The following NUP62CL variants were observed in gnomAD, a reference collection of about 807,000 sequenced individuals.
The protein encoded by NUP62CL is nucleoporin-62 C-terminal-like protein.
Under a neutral mutation model 15.3 loss-of-function variants are expected in NUP62CL, and 13 were observed. The ratio of observed to expected loss-of-function variants is 0.85; its 90% CI spans 0.55 to 1.35. The LOEUF (loss-of-function observed/expected upper bound fraction) is 1.35. Among genes scored for constraint, NUP62CL ranks in the 40% most tolerant of loss-of-function variants. The probability of loss-of-function intolerance (pLI) is 0.00; values close to 1 mark genes in which losing one functional copy is unlikely to be tolerated. For synonymous variants in NUP62CL, 54 were observed against 49.2 expected (o/e 1.10, Z -0.41); for missense variants, 123 against 130.6 (o/e 0.94, Z 0.28).
At chrX:107,165,099 T>TCAAA (rs747591195) in intron 4 of NUP62CL, among the ~76,000 whole-genome samples, 286 of 110,514 alleles carry the variant, frequency 2.6e-3, no homozygotes, top group Non-Finnish European at 3.1e-3. Flanking sequence ...AGACTCCGTC[T>TCAAA]CAAACAAACA....
Position 107,153,488 on chromosome X carries a change from C to T in NUP62CL, c.361G>A (p.Gly121Arg). The change falls in exon 6 of 9, where the codon GGA becomes AGA. Residue 121 changes from glycine (G) to arginine (R), a missense_variant. Coordinates refer to ENST00000372466, the MANE Select transcript of NUP62CL (RefSeq NM_017681.3). ...TCCAGTTTCACTTTGTTCACTTCTC[C>T]ATGTAAAATACGAATCTATAAAGAG... Reference protein sequence around the residue: ...ENGEMIRILHGEVNKVKLDQK... With the variant: ...ENGEMIRILHREVNKVKLDQK... 8.8e-7 allele frequency: 1 copy of T among 1,135,785 alleles called. No homozygotes were observed. The allele number at this position is 1,135,785 out of a possible 1,213,427, so 93.6% of individuals were successfully genotyped here.
intron 8 of NUP62CL, among the ~76,000 whole-genome samples, chrX:107,128,862 T>C (rs1925447165): frequency 8.9e-6 from 1 of 112,158 alleles, no homozygotes; most frequent in Non-Finnish European, 1.9e-5. Context: ...CTTTGTATAT[T>C]ATGCAAAGAA....
At chrX:107,152,559 A>G (rs751030627) in intron 7 of NUP62CL, among the ~76,000 whole-genome samples, 9 of 111,529 alleles carry the variant, frequency 8.1e-5, no homozygotes, top group African/African-American at 2.9e-4. Flanking sequence ...AATACTTAAT[A>G]AATTGGCCAA....
intron 8 of NUP62CL, among the ~76,000 whole-genome samples, chrX:107,136,316 C>A (rs1925639327): frequency 8.9e-6 from 1 of 111,888 alleles, no homozygotes; most frequent in Non-Finnish European, 1.9e-5. Context: ...AAGTCAACCA[C>A]TTAGCAGGAA....
intron 3 of NUP62CL, 44 bp from the exon 4 acceptor site, chrX:107,167,828 G>C: frequency 8.8e-7 from 1 of 1,131,520 alleles, no homozygotes; most frequent in Non-Finnish European, 1.2e-6. Context: ...TGAGAAATTT[G>C]TTTCATTTAA....
chrX:107,189,359 A>G (rs1402359568), intron 2 of NUP62CL, among the ~76,000 whole-genome samples: 1 of 111,709 alleles, frequency 9.0e-6, no homozygotes, highest in South Asian at 3.7e-4. Flanking sequence ...CAGTACACAA[A>G]TGTTCATAGC....
At chrX:107,131,778 C>A in intron 8 of NUP62CL, 1 of 1,112,155 alleles carries the variant, frequency 9.0e-7, no homozygotes, top group Non-Finnish European at 1.2e-6. Flanking sequence ...TGGGCATTGA[C>A]ACTGAGAGGC....
At chrX:107,156,088 G>C (rs1179735328) in intron 4 of NUP62CL, among the ~76,000 whole-genome samples, 1 of 110,249 alleles carries the variant, frequency 9.1e-6, no homozygotes, top group Admixed American at 9.5e-5. Flanking sequence ...AAAAAACGGC[G>C]CACGACGAGA....
chrX:107,166,104 TA>T (rs1458062748), intron 4 of NUP62CL, among the ~76,000 whole-genome samples: 1 of 111,602 alleles, frequency 9.0e-6, no homozygotes, highest in African/African-American at 3.3e-5. Flanking sequence ...AGGACCCTGT[TA>T]AGAGGATGAA....
At chrX:107,165,853 CA>C (rs1047934467) in intron 4 of NUP62CL, among the ~76,000 whole-genome samples, 22 of 110,194 alleles carry the variant, frequency 2.0e-4, no homozygotes, top group African/African-American at 6.6e-4. Context: ...CATCCACAGA[CA>C]AAAAAAAATT....
chrX:107,146,342 T>C (rs1199603983), intron 8 of NUP62CL, among the ~76,000 whole-genome samples: 2 of 111,937 alleles, frequency 1.8e-5, no homozygotes, highest in Non-Finnish European at 3.8e-5. Flanking sequence ...CTTTTCCTCA[T>C]TGAAGTGTAC....
At chrX:107,137,099 A>G (rs1447540145) in intron 8 of NUP62CL, among the ~76,000 whole-genome samples, 1 of 110,466 alleles carries the variant, frequency 9.1e-6, no homozygotes, top group African/African-American at 3.4e-5. Context: ...TTATATCTCA[A>G]TGTAATCCAC....
At chrX:107,136,269 G>C (rs1040210330) in intron 8 of NUP62CL, among the ~76,000 whole-genome samples, 3 of 111,378 alleles carry the variant, frequency 2.7e-5, no homozygotes, top group African/African-American at 9.8e-5. Context: ...CATTAAAAGG[G>C]TAAAAAGGAA....
rs200677186 is a variant in NUP62CL, at chrX:107,189,832, A to G, written c.-48+3197T>C. Among the ~76,000 whole-genome samples the G allele has an allele frequency of 9.8e-5, 3 of 30,490 alleles. No homozygotes were observed. The Admixed American group carries it at 2.0e-3, about 20-fold the overall frequency. 26.5% of individuals were successfully genotyped at this position (30,490 alleles called of 115,157 possible). A position where few individuals can be genotyped will look rare whatever the true frequency, so the allele number is the denominator to read the frequency against. ...AGAGAAAGAAAGAAAGAAGGAGGGA[A>G]GGAAGGAAGGAAGGAAGGAAGGAAG... On this transcript the variant is annotated intron_variant, in intron 2 of 8. Coordinates refer to ENST00000372466, the MANE Select transcript of NUP62CL (RefSeq NM_017681.3).
chrX:107,154,140 G>T lies in NUP62CL; in HGVS notation c.301C>A (p.Gln101Lys). The change falls in exon 5 of 9, where the codon CAG (glutamine) becomes AAG (lysine). Residue 101 changes from glutamine (Q) to lysine (K), a missense_variant. Transcript: ENST00000372466. ...QEKYFLLQAT[Q>K]VNAWDHTLIE... ...AATGTATGGTCCCAAGCATTGACCT[G>T]AGTGGCCTGGAGAAGAAAGTACTTC... 8.3e-7 allele frequency: 1 copy of T among 1,207,474 alleles called. No individual in the cohort carries two copies. The highest frequency in any genetic ancestry group is 1.8e-5 in the South Asian group (1 of 56,596).
At chrX:107,146,493 A>G (rs1322391790) in intron 8 of NUP62CL, among the ~76,000 whole-genome samples, 1 of 112,026 alleles carries the variant, frequency 8.9e-6, no homozygotes, top group Non-Finnish European at 1.9e-5. Flanking sequence ...CAGTTTGAAC[A>G]TTTTACGAAT....
intron 8 of NUP62CL, among the ~76,000 whole-genome samples, chrX:107,146,499 C>T (rs1055990592): frequency 1.4e-4 from 16 of 111,831 alleles, no homozygotes; most frequent in Admixed American, 1.2e-3. Flanking sequence ...GAACATTTTA[C>T]GAATGAGGCA....
intron 4 of NUP62CL, among the ~76,000 whole-genome samples, chrX:107,157,424 G>T (rs1184310493): frequency 9.3e-6 from 1 of 107,919 alleles, no homozygotes; most frequent in South Asian, 4.3e-4. Flanking sequence ...ACTAACAGCG[G>T]ATCTCTCAGC....
intron 3 of NUP62CL, among the ~76,000 whole-genome samples, chrX:107,170,320 T>C (rs748819601): frequency 1.8e-5 from 2 of 111,168 alleles, no homozygotes; most frequent in African/African-American, 6.5e-5. Flanking sequence ...GAGGGAGTGA[T>C]ATGTATATAT....
Sources: gnomAD v4.1 joint callset for allele counts (sites outside exome capture counted in the v4.1 genomes callset) on GRCh38, gnomAD v4.1.1 for gene constraint, MANE v1.5 for transcripts, NCBI Gene and HGNC (gene_info 2026-07-23, HGNC 2026-07-21) for gene names.